Variants in NPAS3 observed in about 807,000 individuals in gnomAD.
NPAS3 encodes neuronal PAS domain-containing protein 3.
NPAS3 carries 14 observed loss-of-function variants against 73.1 expected under a neutral mutation model. That is an observed-to-expected ratio of 0.19 (90% CI 0.13 to 0.30). The LOEUF is 0.30. Ranked by LOEUF, NPAS3 falls within the 10% of genes least tolerant of loss-of-function variation. The pLI is 1.00. For missense variants in NPAS3, 1,096 were observed against 1,250.0 expected (o/e 0.88, Z 1.86); for synonymous variants, 620 against 541.5 (o/e 1.14, Z -2.01).
intron 3 of NPAS3, among the ~76,000 whole-genome samples, chr14:33,234,808 C>G (rs2047974833): frequency 6.6e-6 from 1 of 152,054 alleles, no homozygotes; most frequent in Non-Finnish European, 1.5e-5. Context: ...AAGCTTGTAT[C>G]ACTGTTCCTA....
At chr14:32,953,529 A>G (rs1483721208) in intron 1 of NPAS3, among the ~76,000 whole-genome samples, 3 of 152,170 alleles carry the variant, frequency 2.0e-5, no homozygotes, top group Non-Finnish European at 4.4e-5. Flanking sequence ...CAGCATCTTC[A>G]TACCATTTTA....
At chr14:33,689,144 C>T (rs899458885) in intron 6 of NPAS3, among the ~76,000 whole-genome samples, 1 of 152,198 alleles carries the variant, frequency 6.6e-6, no homozygotes, top group African/African-American at 2.4e-5. Flanking sequence ...TGTTCACCTC[C>T]TGACTCTGTC....
chr14:33,697,611 A>C (rs2060419075), intron 6 of NPAS3, among the ~76,000 whole-genome samples: 1 of 152,204 alleles, frequency 6.6e-6, no homozygotes, highest in African/African-American at 2.4e-5. Context: ...ACCTTTAATC[A>C]ATCTTCTTAA....
chr14:33,539,431 T>C (rs2054406324), intron 4 of NPAS3, among the ~76,000 whole-genome samples: 1 of 152,036 alleles, frequency 6.6e-6, no homozygotes. Flanking sequence ...GGTTGAGTGG[T>C]CTTAGACAAG....
chr14:33,651,251 C>T (rs1020397500), intron 5 of NPAS3, among the ~76,000 whole-genome samples: 9 of 152,184 alleles, frequency 5.9e-5, no homozygotes, highest in Admixed American at 1.3e-4. Context: ...GGACGTGCCA[C>T]TCTGCATCAG....
At chr14:33,360,841 C>T (rs565659196) in intron 3 of NPAS3, among the ~76,000 whole-genome samples, 1 of 152,184 alleles carries the variant, frequency 6.6e-6, no homozygotes, top group Non-Finnish European at 1.5e-5. Flanking sequence ...GTACCCTACT[C>T]TCCACGCCTC....
intron 5 of NPAS3, among the ~76,000 whole-genome samples, chr14:33,570,693 G>T (rs924814418): frequency 2.0e-5 from 3 of 152,116 alleles, no homozygotes; most frequent in Admixed American, 6.5e-5. Flanking sequence ...TGCAACCTTG[G>T]CTGTAGCATA....
intron 4 of NPAS3, among the ~76,000 whole-genome samples, chr14:33,480,135 C>G (rs566485766): frequency 1.3e-5 from 2 of 152,274 alleles, no homozygotes; most frequent in South Asian, 2.1e-4. Flanking sequence ...GGAATTGCAA[C>G]ACAAAGCCTG....
At chr14:32,937,816 A>G (rs117102470), upstream of NPAS3, among the ~76,000 whole-genome samples, 164 of 152,262 alleles carry the variant, frequency 1.1e-3, no homozygotes, top group East Asian at 0.014. Context: ...AGTCCTTTCT[A>G]CTTGCCTGGT....
intron 5 of NPAS3, among the ~76,000 whole-genome samples, chr14:33,560,632 C>T (rs1044939313): frequency 5.3e-5 from 8 of 151,924 alleles, no homozygotes; most frequent in East Asian, 1.9e-4. Flanking sequence ...CAAGAAATGC[C>T]GAAAGAGACC....
chr14:33,564,301 G>C (rs895517474), intron 5 of NPAS3, among the ~76,000 whole-genome samples: 8 of 152,284 alleles, frequency 5.3e-5, no homozygotes, highest in African/African-American at 1.7e-4. Flanking sequence ...TGTTTCTTAA[G>C]GAAGGCAAAG....
At chr14:33,473,719 G>A (rs756713843) in intron 4 of NPAS3, among the ~76,000 whole-genome samples, 4 of 152,182 alleles carry the variant, frequency 2.6e-5, no homozygotes, top group Non-Finnish European at 5.9e-5. Context: ...TGGAAGGAGT[G>A]TCACCTGAAC....
intron 2 of NPAS3, among the ~76,000 whole-genome samples, chr14:33,099,554 T>C (rs1279338): frequency 6.6e-6 from 1 of 152,056 alleles, no homozygotes; most frequent in East Asian, 1.9e-4. Context: ...TTGTATAAGG[T>C]AAACTCTTCT....
At chr14:33,443,484 C>T (rs1484053678) in intron 4 of NPAS3, among the ~76,000 whole-genome samples, 2 of 152,082 alleles carry the variant, frequency 1.3e-5, no homozygotes, top group Non-Finnish European at 2.9e-5. Flanking sequence ...CAAAAGAGCA[C>T]CAGTAGGGAA....
chr14:33,738,267 AC>A (rs2061572717), intron 7 of NPAS3, among the ~76,000 whole-genome samples: 1 of 152,182 alleles, frequency 6.6e-6, no homozygotes, highest in African/African-American at 2.4e-5. Context: ...CTACTGAAGC[AC>A]CAGAATCGAA....
chr14:33,059,944 C>CT (rs576887453), intron 2 of NPAS3, among the ~76,000 whole-genome samples: 41 of 151,980 alleles, frequency 2.7e-4, no homozygotes, highest in Admixed American at 6.6e-4. Flanking sequence ...CCATGTCTGG[C>CT]TTTTTTGTTT....
At chr14:33,552,323 C>CGGT (rs2055156900) in intron 4 of NPAS3, among the ~76,000 whole-genome samples, 1 of 152,190 alleles carries the variant, frequency 6.6e-6, no homozygotes, top group African/African-American at 2.4e-5. Flanking sequence ...GTTCTCAGCT[C>CGGT]TACCACATGT....
intron 2 of NPAS3, among the ~76,000 whole-genome samples, chr14:33,159,751 C>T (rs1431507050): frequency 6.6e-6 from 1 of 152,032 alleles, no homozygotes; most frequent in Non-Finnish European, 1.5e-5. Context: ...GACGGGGTTT[C>T]ACCGTGTTAG....
At chr14:33,521,804 C>T (rs565258778) in intron 4 of NPAS3, among the ~76,000 whole-genome samples, 2 of 152,178 alleles carry the variant, frequency 1.3e-5, no homozygotes, top group East Asian at 3.9e-4. Context: ...TTTCCAATGC[C>T]TTGCATATTG....
Sources: gnomAD v4.1 joint callset for allele counts (sites outside exome capture counted in the v4.1 genomes callset) on GRCh38, gnomAD v4.1.1 for gene constraint, MANE v1.5 for transcripts, NCBI Gene and HGNC (gene_info 2026-07-23, HGNC 2026-07-21) for gene names.